Variants in KDM4C observed in about 807,000 individuals in gnomAD.
The protein encoded by KDM4C is lysine demethylase 4C.
A neutral mutation model predicts 129.3 loss-of-function variants in KDM4C; 81 were observed. The ratio of observed to expected loss-of-function variants is 0.63; its 90% confidence interval spans 0.52 to 0.75. The LOEUF is 0.75. KDM4C is among the 30% of genes least tolerant of loss of function. KDM4C has a pLI of 0.00. For synonymous variants in KDM4C, 573 were observed against 456.1 expected, an observed-to-expected ratio of 1.26 and a Z score of -3.26; for missense variants, 1,457 against 1,304.0, an observed-to-expected ratio of 1.12 and a Z score of -1.81.
intron 17 of KDM4C, among the ~76,000 whole-genome samples, chr9:7,063,070 A>G (rs1003214647): frequency 1.3e-5 from 2 of 152,212 alleles, no homozygotes; most frequent in African/African-American, 4.8e-5. Flanking sequence ...TTATGGATAT[A>G]AATAATTATG....
intron 8 of KDM4C, among the ~76,000 whole-genome samples, chr9:6,971,885 T>G (rs911957102): frequency 2.0e-5 from 3 of 152,186 alleles, no homozygotes; most frequent in Non-Finnish European, 4.4e-5. Flanking sequence ...ATTTTTGACT[T>G]GTTTCTAACA....
At chr9:6,919,273 G>GTCTCTC (rs780125478) in intron 8 of KDM4C, among the ~76,000 whole-genome samples, 1 of 37,094 alleles carries the variant, frequency 2.7e-5, no homozygotes, top group African/African-American at 7.4e-5. Context: ...CTTTCTTTCT[G>GTCTCTC]TCTCTCTCTC....
chr9:7,173,540 A>C (rs1420058793), intron 21 of KDM4C, among the ~76,000 whole-genome samples: 4 of 152,156 alleles, frequency 2.6e-5, no homozygotes, highest in Non-Finnish European at 5.9e-5. Flanking sequence ...AATAGGTTGG[A>C]GGTACAGCAT....
chr9:7,142,610 T>C lies in KDM4C; in HGVS notation c.2781+14374T>C, dbSNP rs117894624. Among the ~76,000 whole-genome samples, 1,034 of 152,362 alleles carry C rather than the reference T, an allele frequency of 6.8e-3. 8 individuals are homozygous for C. Among genetic ancestry groups the C allele is most frequent in the Middle Eastern group, 0.01 (3 of 294 alleles). On this transcript the variant is annotated intron_variant, in intron 19 of 21. Transcript: ENST00000381309. ...ATTTACCTTTTTTAAAGGGAAAGAA[T>C]AGATGACTAACTTTGGTAGATAAAA...
At chr9:7,049,718 C>G (rs1375155401) in intron 17 of KDM4C, among the ~76,000 whole-genome samples, 2 of 152,062 alleles carry the variant, frequency 1.3e-5, no homozygotes, top group Non-Finnish European at 2.9e-5. Context: ...CTGGCTTGTT[C>G]AGAAACTGTG....
rs752382162 is a variant in KDM4C, at chr9:7,011,823, G to A, written c.1912G>A (p.Val638Met). Residue 638 changes from valine to methionine, a missense_variant, in exon 13 of 22, where the codon GTG becomes ATG. By Grantham distance (21) the Val-to-Met change is conservative. Transcript: ENST00000381309. ...FAAEQEYNAT[V>M]ARMKPHCAIC... ...AGCTGAGCAAGAGTATAATGCAACAGTGGCCAGGATGAAGCCACACTGTGC... is the reference window on the plus strand; with the variant it reads ...AGCTGAGCAAGAGTATAATGCAACAATGGCCAGGATGAAGCCACACTGTGC... 5.0e-6 allele frequency: 8 copies of A among 1,614,144 alleles called. No individual in the cohort carries two copies. The highest frequency in any genetic ancestry group is 6.8e-6 in the Non-Finnish European group (8 of 1,180,008).
At chr9:7,000,808 A>G (rs999201410) in intron 12 of KDM4C, among the ~76,000 whole-genome samples, 1 of 152,172 alleles carries the variant, frequency 6.6e-6, no homozygotes, top group African/African-American at 2.4e-5. Context: ...ATTTTGGTAC[A>G]CTTTGTTTTC....
intron 17 of KDM4C, among the ~76,000 whole-genome samples, chr9:7,091,194 T>A (rs1431100006): frequency 6.6e-6 from 1 of 152,196 alleles, no homozygotes; most frequent in Non-Finnish European, 1.5e-5. Context: ...ATGGAAACTT[T>A]CTTTTGTCAC....
intron 3 of KDM4C, among the ~76,000 whole-genome samples, chr9:6,808,717 G>A (rs62568057): frequency 0.16 from 23,233 of 149,192 alleles, 2,572 homozygotes; most frequent in African/African-American, 0.31. Context: ...AAAAGAAGTG[G>A]CACACTGTTA....
intron 4 of KDM4C, among the ~76,000 whole-genome samples, chr9:6,832,667 C>G (rs1263209649): frequency 6.6e-6 from 1 of 150,818 alleles, no homozygotes; most frequent in African/African-American, 2.4e-5. Context: ...CCACGTAATC[C>G]ACCCGCCTCG....
intron 12 of KDM4C, among the ~76,000 whole-genome samples, chr9:6,991,939 G>A (rs922026296): frequency 6.6e-6 from 1 of 152,074 alleles, no homozygotes; most frequent in Admixed American, 6.6e-5. Context: ...CCAATCCAGG[G>A]TTGAATTCTG....
intron 2 of KDM4C, among the ~76,000 whole-genome samples, chr9:6,794,186 G>A (rs1039265355): frequency 4.6e-5 from 7 of 152,248 alleles, no homozygotes; most frequent in Admixed American, 1.3e-4. Flanking sequence ...GCTAGAGGTA[G>A]GGATATGGGG....
rs146378563 is a variant in KDM4C at position 6,741,418 on chromosome 9, AACTC to A, written c.49+20423_49+20426del. Among the ~76,000 whole-genome samples the A allele has an allele frequency of 9.5e-3, 1,442 of 152,024 alleles. 22 individuals are homozygous for A. The highest frequency in any genetic ancestry group is 0.033 in the African/African-American group (1,373 of 41,486). ...TCAAAAAACAAAAAACAAAAACAAA[AACTC>A]AAGAGGAAAAGAATATTCTATTTAC... On this transcript the variant is annotated intron_variant, in intron 1 of 17. Coordinates refer to the KDM4C transcript ENST00000536108.
At chr9:7,063,922 C>T (rs564075340) in intron 17 of KDM4C, among the ~76,000 whole-genome samples, 1 of 152,304 alleles carries the variant, frequency 6.6e-6, no homozygotes, top group African/African-American at 2.4e-5. Flanking sequence ...AGCTCTGAGT[C>T]TCAAGAAGTT....
upstream of KDM4C, among the ~76,000 whole-genome samples, chr9:6,756,953 C>G (rs531970525): frequency 1.3e-5 from 2 of 152,296 alleles, no homozygotes; most frequent in Non-Finnish European, 2.9e-5. Context: ...ACTTTGCTCA[C>G]TGGTGTGAAG....
intron 8 of KDM4C, among the ~76,000 whole-genome samples, chr9:6,910,867 T>C (rs904711336): frequency 6.6e-6 from 1 of 152,352 alleles, no homozygotes; most frequent in Non-Finnish European, 1.5e-5. Flanking sequence ...AGTCATGATA[T>C]GCTAATTAGC....
At chr9:6,804,852 A>G (rs1829674172) in intron 2 of KDM4C, among the ~76,000 whole-genome samples, 1 of 152,156 alleles carries the variant, frequency 6.6e-6, no homozygotes, top group African/African-American at 2.4e-5. Flanking sequence ...CATATTCAAT[A>G]AAGATGAACT....
In KDM4C at chr9:6,984,177, C is replaced by G. The variant is rs1817270488; in HGVS notation, c.1127C>G (p.Ala376Gly). ...TCTCTTGTTGACAGCTTCCAGTGTG[C>G]TAGGTCTACCTCTAAAAGGCCTAAG... Reference protein sequence around the residue: ...VRKASRSFQCARSTSKRPKAD... With the variant: ...VRKASRSFQCGRSTSKRPKAD... Residue 376 changes from alanine to glycine, a missense_variant, in exon 10 of 22, where the codon GCT becomes GGT. Coordinates refer to ENST00000381309, the MANE Select transcript of KDM4C (RefSeq NM_015061.6). 6.2e-7 allele frequency: 1 copy of G among 1,612,620 alleles called. No homozygotes were observed. Among genetic ancestry groups the G allele is most frequent in the African/African-American group, 1.3e-5 (1 of 74,888 alleles).
chr9:6,815,686 G>A (rs1314653781), intron 4 of KDM4C, among the ~76,000 whole-genome samples: 3 of 152,260 alleles, frequency 2.0e-5, no homozygotes, highest in East Asian at 1.9e-4. Flanking sequence ...TTTGAGCATC[G>A]TGTTGAAACT....
Sources: gnomAD v4.1 joint callset for allele counts (sites outside exome capture counted in the v4.1 genomes callset) on GRCh38, gnomAD v4.1.1 for gene constraint, MANE v1.5 for transcripts, NCBI Gene and HGNC (gene_info 2026-07-23, HGNC 2026-07-21) for gene names.